Variants in PES1 observed in about 807,000 individuals in gnomAD.
PES1 encodes pescadillo homolog.
PES1 carries 31 observed loss-of-function variants against 77.1 expected under a neutral mutation model. That is an observed-to-expected ratio of 0.40 (90% CI 0.30 to 0.54). The LOEUF (loss-of-function observed/expected upper bound fraction) is 0.54. PES1 is among the 20% of genes least tolerant of loss of function. The pLI is 0.45. For missense variants in PES1, 658 were observed against 771.7 expected, an observed-to-expected ratio of 0.85 and a Z score of 1.75; for synonymous variants, 282 against 303.0, an observed-to-expected ratio of 0.93 and a Z score of 0.72.
intron 2 of PES1, among the ~76,000 whole-genome samples, chr22:30,604,273 TATAA>T (rs750037493): frequency 3.9e-5 from 6 of 152,080 alleles, no homozygotes; most frequent in Non-Finnish European, 8.8e-5. Context: ...GGGGGAAAAA[TATAA>T]ATAATCAGTA....
At chr22:30,598,919 TGGAG>T (rs1569031756) in intron 2 of PES1, among the ~76,000 whole-genome samples, 4 of 103,404 alleles carry the variant, frequency 3.9e-5, no homozygotes, top group African/African-American at 1.5e-4. Flanking sequence ...TTTTTTGAGA[TGGAG>T]TCCTGCTCTG....
At position 30,580,628 on chromosome 22, in the gene PES1, C is replaced by T; in HGVS notation, c.986G>A (p.Gly329Asp). Reference protein sequence around the residue: ...AQEKHKKLFEGLKFFLNREVP... With the variant: ...AQEKHKKLFEDLKFFLNREVP... ...CTCTCGGTTCAGGAAGAACTTCAGG[C>T]CCTCAAAAAGCTTCTTGTGCTTCTC... is the stretch of plus-strand genomic sequence containing the variant. Residue 329 changes from glycine (G) to aspartate (D), a missense_variant, in exon 10 of 15, where the codon GGC becomes GAC. Physicochemically the swap from Gly to Asp is moderately conservative, Grantham distance 94 (BLOSUM62 -1). Transcript: ENST00000354694. 6.2e-7 allele frequency: 1 copy of T among 1,613,770 alleles called. No individual in the cohort carries two copies. The highest frequency in any genetic ancestry group is 1.7e-5 in the Admixed American group (1 of 60,020).
upstream of PES1, among the ~76,000 whole-genome samples, chr22:30,595,236 G>T (rs2087237135): frequency 6.6e-6 from 1 of 152,002 alleles, no homozygotes; most frequent in Admixed American, 6.6e-5. Flanking sequence ...TCTCCTGCTT[G>T]AGGTTAAAGA....
At chr22:30,601,421 T>C (rs1045915273) in intron 2 of PES1, among the ~76,000 whole-genome samples, 1 of 152,142 alleles carries the variant, frequency 6.6e-6, no homozygotes, top group Non-Finnish European at 1.5e-5. Context: ...TTCCAGCGAT[T>C]CTCCTGCCTC....
At chr22:30,604,935 TC>T (rs1172201159) in intron 2 of PES1, among the ~76,000 whole-genome samples, 4 of 152,164 alleles carry the variant, frequency 2.6e-5, no homozygotes, top group Non-Finnish European at 4.4e-5. Context: ...TTTTTCACAT[TC>T]CCTGACCACA....
intron 6 of PES1, among the ~76,000 whole-genome samples, chr22:30,582,216 G>A (rs1025646890): frequency 7.9e-5 from 12 of 152,212 alleles, no homozygotes; most frequent in African/African-American, 1.9e-4. Flanking sequence ...CAGCGGGGGC[G>A]GGGGAAGCAT....
At chr22:30,585,327 C>T (rs1057416803) in intron 4 of PES1, 9 of 471,370 alleles carry the variant, frequency 1.9e-5, no homozygotes, top group East Asian at 7.0e-5. Context: ...TGGTAAATGA[C>T]GAAGCCAACA....
chr22:30,580,286 A>G, intron 10 of PES1, 108 bp from the exon 11 acceptor site: 1 of 1,390,128 alleles, frequency 7.2e-7, no homozygotes. Flanking sequence ...TCACCCTCTT[A>G]GGACACAATT....
chr22:30,594,020 C>T (rs1367965271), upstream of PES1, among the ~76,000 whole-genome samples: 1 of 152,160 alleles, frequency 6.6e-6, no homozygotes, highest in African/African-American at 2.4e-5. Flanking sequence ...GGGCTGCCCA[C>T]ACACAGAATG....
chr22:30,580,452 A>T, intron 10 of PES1, 119 bp downstream of exon 10: 1 of 1,371,306 alleles, frequency 7.3e-7, no homozygotes, highest in Non-Finnish European at 1.0e-6. Flanking sequence ...CTTTCCACAC[A>T]CTGTTTCATA....
At chr22:30,587,259 C>T (rs751033048) in intron 4 of PES1, 27 bp downstream of exon 4, 1 of 1,436,660 alleles carries the variant, frequency 7.0e-7, no homozygotes, top group South Asian at 1.1e-5. Flanking sequence ...GAAGAAACAG[C>T]AGTGTCCTGA....
rs779014212 is a variant in PES1, at chr22:30,589,188, C to T, written c.104+3G>A. ...GGGCTTCCCACGGTCCCTCTATATT[C>T]ACCTAAAGTCAGCCAAGCTCAGCTG... is the stretch of plus-strand genomic sequence containing the variant. On this transcript the variant is annotated splice_donor_region_variant and intron_variant, in intron 2 of 14. Coordinates refer to ENST00000354694, the MANE Select transcript of PES1 (RefSeq NM_014303.4). 4.7e-5 allele frequency: 75 copies of T among 1,612,532 alleles called. No homozygotes were observed. The highest frequency in any genetic ancestry group is 5.7e-5 in the Non-Finnish European group (67 of 1,178,944).
chr22:30,606,257 G>T (rs1400594038), intron 1 of PES1, among the ~76,000 whole-genome samples: 1 of 151,944 alleles, frequency 6.6e-6, no homozygotes, highest in African/African-American at 2.4e-5. Flanking sequence ...TTGAGACAGG[G>T]TCTCACTTTG....
intron 2 of PES1, among the ~76,000 whole-genome samples, chr22:30,597,857 T>C (rs1239547495): frequency 1.4e-5 from 2 of 143,968 alleles, no homozygotes; most frequent in Non-Finnish European, 3.0e-5. Flanking sequence ...CTCGCTCGGT[T>C]TTTTTTCCAC....
chr22:30,579,035 C>T, intron 13 of PES1, 37 bp from the exon 14 acceptor site: 1 of 1,604,646 alleles, frequency 6.2e-7, no homozygotes, highest in Non-Finnish European at 8.5e-7. Context: ...GGGGCAGGTT[C>T]TCCCGACCTC....
At chr22:30,605,024 C>T (rs1360917025) in intron 2 of PES1, among the ~76,000 whole-genome samples, 1 of 152,118 alleles carries the variant, frequency 6.6e-6, no homozygotes, top group African/African-American at 2.4e-5. Flanking sequence ...GACAGGGTCT[C>T]CTTCTGTCGC....
At chr22:30,581,829 G>A (rs1052506609) in intron 6 of PES1, among the ~76,000 whole-genome samples, 185 bp from the exon 7 acceptor site, 5 of 152,248 alleles carry the variant, frequency 3.3e-5, no homozygotes, top group East Asian at 3.9e-4. Context: ...GGGGCGTTCC[G>A]GCCACAAGTG....
chr22:30,586,211 C>G (rs2087087198), intron 4 of PES1, among the ~76,000 whole-genome samples: 1 of 152,190 alleles, frequency 6.6e-6, no homozygotes, highest in South Asian at 2.1e-4. Flanking sequence ...TTTCACCTAA[C>G]ACTGTGTGCC....
At chr22:30,582,289 G>T (rs2087000523) in intron 6 of PES1, among the ~76,000 whole-genome samples, 1 of 152,216 alleles carries the variant, frequency 6.6e-6, no homozygotes, top group Admixed American at 6.5e-5. Context: ...AGAATTGAGT[G>T]ACTCCCTCCT....
Sources: allele counts gnomAD v4.1 joint callset (sites outside exome capture counted in the v4.1 genomes callset), GRCh38; gene constraint gnomAD v4.1.1; transcripts MANE v1.5; gene names NCBI Gene and HGNC (gene_info 2026-07-23, HGNC 2026-07-21).